CPNE5: variants seen among roughly 807,000 people sequenced by gnomAD.
CPNE5 encodes the protein copine-5.
A neutral mutation model predicts 81.1 loss-of-function variants in CPNE5; 42 were observed. That is an observed-to-expected ratio of 0.52 (90% CI 0.40 to 0.67). The LOEUF is 0.67. CPNE5 is among the 30% of genes least tolerant of loss of function. CPNE5 has a pLI of 0.00. For synonymous variants in CPNE5, 313 were observed against 321.5 expected, an observed-to-expected ratio of 0.97 and a Z score of 0.28; for missense variants, 612 against 815.5, an observed-to-expected ratio of 0.75 and a Z score of 3.04.
intron 15 of CPNE5, 132 bp downstream of exon 15, chr6:36,748,089 A>T: frequency 1.2e-6 from 1 of 833,310 alleles, no homozygotes; most frequent in South Asian, 1.4e-5. Context: ...GGTCCTCCAG[A>T]CCTAGGTACA....
intron 14 of CPNE5, among the ~76,000 whole-genome samples, chr6:36,749,671 A>AAACCCACT (rs1764590435): frequency 6.6e-6 from 1 of 151,704 alleles, no homozygotes; most frequent in Non-Finnish European, 1.5e-5. Flanking sequence ...TAAAAAAAAA[A>AAACCCACT]AACCCACTAA....
chr6:36,809,370 G>A (rs1770892572), intron 3 of CPNE5, among the ~76,000 whole-genome samples: 1 of 152,098 alleles, frequency 6.6e-6, no homozygotes, highest in Non-Finnish European at 1.5e-5. Flanking sequence ...GAACCTAGGA[G>A]TTCGAGACCA....
intron 3 of CPNE5, among the ~76,000 whole-genome samples, chr6:36,817,308 A>G (rs1771632182): frequency 6.6e-6 from 1 of 152,154 alleles, no homozygotes. Context: ...CCGGGCAAAA[A>G]GGGTGAAACT....
At chr6:36,831,543 G>A (rs1177386672) in intron 1 of CPNE5, among the ~76,000 whole-genome samples, 2 of 150,924 alleles carry the variant, frequency 1.3e-5, no homozygotes, top group African/African-American at 4.9e-5. Flanking sequence ...TAATAGAAAC[G>A]GGGTTTCACC....
intron 3 of CPNE5, among the ~76,000 whole-genome samples, chr6:36,802,301 A>G (rs544264765): frequency 6.6e-6 from 1 of 152,130 alleles, no homozygotes; most frequent in East Asian, 1.9e-4. Context: ...TTATAAAACA[A>G]AAAACATTAG....
chr6:36,756,133 T>TTC, intron 13 of CPNE5, 112 bp downstream of exon 13: 1 of 716,754 alleles, frequency 1.4e-6, no homozygotes, highest in East Asian at 3.0e-5. Flanking sequence ...GATGTCTGAT[T>TTC]CCCACGCTCA....
intron 7 of CPNE5, 100 bp from the exon 8 acceptor site, chr6:36,792,196 C>A: frequency 7.8e-7 from 1 of 1,278,718 alleles, no homozygotes; most frequent in South Asian, 1.2e-5. Context: ...CCCCCGCCCC[C>A]TACCATCCAG....
intron 12 of CPNE5, among the ~76,000 whole-genome samples, chr6:36,762,321 C>T (rs1165885583): frequency 5.3e-5 from 8 of 151,152 alleles, no homozygotes; most frequent in African/African-American, 1.7e-4. Flanking sequence ...CACACACACA[C>T]GCATGCGCAC....
chr6:36,744,136 C>T (rs1418041015), intron 19 of CPNE5, 132 bp downstream of exon 19: 1 of 782,756 alleles, frequency 1.3e-6, no homozygotes, highest in Admixed American at 2.1e-5. Flanking sequence ...ACACACACGC[C>T]CAGGCGGGAG....
At chr6:36,784,351 C>T (rs1582875540) in intron 8 of CPNE5, among the ~76,000 whole-genome samples, 1 of 152,222 alleles carries the variant, frequency 6.6e-6, no homozygotes, top group East Asian at 1.9e-4. Flanking sequence ...AAGCTTCCTC[C>T]CTAATGGGTA....
chr6:36,821,055 A>C (rs1203838613), intron 3 of CPNE5, among the ~76,000 whole-genome samples: 1 of 152,224 alleles, frequency 6.6e-6, no homozygotes, highest in African/African-American at 2.4e-5. Flanking sequence ...GGAATGTTAG[A>C]TAGGGTGGCC....
chr6:36,760,512 A>G (rs575897783), intron 12 of CPNE5, among the ~76,000 whole-genome samples: 2 of 152,286 alleles, frequency 1.3e-5, no homozygotes, highest in South Asian at 4.1e-4. Context: ...GCAAAGCCCC[A>G]TAAGGGGGGA....
chr6:36,831,351 G>A (rs1022809891), intron 1 of CPNE5, among the ~76,000 whole-genome samples: 4 of 148,378 alleles, frequency 2.7e-5, no homozygotes, highest in Non-Finnish European at 6.0e-5. Flanking sequence ...CACCGCACCC[G>A]GACTCTTTTT....
Position 36,794,591 on chromosome 6 carries a change from C to G in CPNE5, c.463G>C (p.Gly155Arg). The G allele has an allele frequency of 1.2e-6, 2 of 1,613,970 alleles. No homozygotes were observed. Among genetic ancestry groups the G allele is most frequent in the East Asian group, 4.5e-5 (2 of 44,842 alleles). ...GGCCAGAGATGTCTGGCAACGTACCCGTTGGACACAGCTGGCATGGGTTTG... is the reference window on the plus strand; with the variant it reads ...GGCCAGAGATGTCTGGCAACGTACCGGTTGGACACAGCTGGCATGGGTTTG... ...TGKPMPAVSN[G>R]GVPGKKCGTI... The change falls in exon 7 of 21, where the codon GGT becomes CGT. Residue 155 changes from glycine to arginine, a missense_variant and splice_region_variant. Coordinates refer to ENST00000244751, the MANE Select transcript of CPNE5 (RefSeq NM_020939.2).
chr6:36,827,759 T>C (rs1772628234), intron 1 of CPNE5: 1 of 985,404 alleles, frequency 1.0e-6, no homozygotes. Flanking sequence ...TCTTCCGCCC[T>C]GACGAAGGGC....
chr6:36,749,667 A>AAAT (rs1440289797), intron 14 of CPNE5, among the ~76,000 whole-genome samples: 1 of 151,836 alleles, frequency 6.6e-6, no homozygotes, highest in Non-Finnish European at 1.5e-5. Flanking sequence ...AAAATAAAAA[A>AAAT]AAAAAACCCA....
At chr6:36,807,028 T>G (rs906902142) in intron 3 of CPNE5, among the ~76,000 whole-genome samples, 3 of 152,228 alleles carry the variant, frequency 2.0e-5, no homozygotes, top group African/African-American at 7.2e-5. Flanking sequence ...GGTTTGAGGC[T>G]CCTAACCTGG....
intron 3 of CPNE5, among the ~76,000 whole-genome samples, chr6:36,809,373 C>T (rs762791536): frequency 1.4e-4 from 21 of 151,940 alleles, no homozygotes; most frequent in Admixed American, 1.0e-3. Flanking sequence ...CCTAGGAGTT[C>T]GAGACCAACC....
chr6:36,833,278 A>ACTAT (rs1432807580), intron 1 of CPNE5, among the ~76,000 whole-genome samples: 20 of 152,274 alleles, frequency 1.3e-4, no homozygotes, highest in African/African-American at 4.6e-4. Flanking sequence ...AGAAAATACT[A>ACTAT]CTATCTATCT....
Sources: allele counts gnomAD v4.1 joint callset (sites outside exome capture counted in the v4.1 genomes callset), GRCh38; gene constraint gnomAD v4.1.1; transcripts MANE v1.5; gene names NCBI Gene and HGNC (gene_info 2026-07-23, HGNC 2026-07-21).